Variants in SRPRA observed in about 807,000 individuals in gnomAD.
SRPRA encodes signal recognition particle receptor subunit alpha.
SRPRA carries 30 observed loss-of-function variants against 61.1 expected under a neutral mutation model. That is an observed-to-expected ratio of 0.49 (90% CI 0.37 to 0.67). The LOEUF (loss-of-function observed/expected upper bound fraction) is 0.67, where lower values mean the gene tolerates loss of function less well. SRPRA is among the 30% of genes least tolerant of loss of function. The probability of loss-of-function intolerance (pLI) is 0.00; values close to 1 mark genes in which losing one functional copy is unlikely to be tolerated. For missense variants in SRPRA, 759 were observed against 828.4 expected, an observed-to-expected ratio of 0.92 and a Z score of 1.03; for synonymous variants, 324 against 299.7, an observed-to-expected ratio of 1.08 and a Z score of -0.84.
chr11:126,248,248 TG>T, the SRPRA span, among the ~76,000 whole-genome samples: 1 of 151,460 alleles, frequency 6.6e-6, no homozygotes, highest in South Asian at 2.1e-4. Flanking sequence ...AGGATACATG[TG>T]ACTGCTAGAT....
At chr11:126,251,134 C>A in the SRPRA span, among the ~76,000 whole-genome samples, 56 of 152,170 alleles carry the variant, frequency 3.7e-4, no homozygotes, top group Non-Finnish European at 1.5e-4. Flanking sequence ...GGAAGAACAA[C>A]TTCCAGGCCA....
chr11:126,261,074 C>T (rs944653063), downstream of SRPRA: 5 of 188,558 alleles, frequency 2.7e-5, no homozygotes, highest in Non-Finnish European at 5.4e-5. Context: ...GCCATTTGCC[C>T]ATCCCTGGTG....
chr11:126,256,477 C>T, the SRPRA span: 3 of 1,230,730 alleles, frequency 2.4e-6, no homozygotes, highest in Admixed American at 2.2e-5. The surrounding 1 kb of genome is among the most constrained non-coding windows in gnomAD (Gnocchi z 6.6). Context: ...TTGGTCATCA[C>T]AGTCTGCTCA....
rs1170905226 is a variant in SRPRA, at chr11:126,265,303, C to T, written c.1276G>A (p.Val426Ile). 6 of 1,614,172 alleles carry T rather than the reference C, an allele frequency of 3.7e-6. No homozygotes were observed. Among genetic ancestry groups the T allele is most frequent in the Admixed American group, 3.3e-5 (2 of 60,026 alleles). ...QRPYVVTFCG[V>I]NGVGKSTNLA... The stretch of plus-strand genomic sequence containing the variant: ...TTAGTAGATTTCCCCACTCCATTAA[C>T]GCCGCAGAAGGTGACGACATAAGGG... Residue 426 changes from valine (V) to isoleucine (I), a missense_variant, in exon 10 of 14, where the codon GTT becomes ATT. By Grantham distance (29) the Val-to-Ile change is conservative (BLOSUM62 3). This residue lies in a region of SRPRA where 284 missense variants were observed against 365.9 expected (regional missense o/e 0.78). Coordinates refer to ENST00000332118, the MANE Select transcript of SRPRA (RefSeq NM_003139.4). The surrounding 1 kb of genome is among the most constrained non-coding windows in gnomAD (Gnocchi z 6.3).
In SRPRA at chr11:126,263,825, A is replaced by T. The variant is rs1297510015; in HGVS notation, c.*91T>A. ...ACTCTGCCTTTGTACTACACTGAAG[A>T]CAGGTTGCTCACATACTCTAAAGCA... On this transcript the variant is annotated 3_prime_UTR_variant, in exon 14 of 14. Transcript: ENST00000332118. 4 of 1,548,048 alleles carry T rather than the reference A, an allele frequency of 2.6e-6. No individual in the cohort carries two copies. The African/African-American group carries it at 4.1e-5, about 16-fold the overall frequency.
Position 126,265,969 on chromosome 11 carries a change from G to C in SRPRA, c.1045C>G (p.Leu349Val). ...CCCGGTCCTCAGAACTTACCAATGA[G>C]ATGATCACGCATCTTGTCCAGCACA... ...ESVLDKMRDH[L>V]IAKNVAADIA... The change falls in exon 8 of 14, where the codon CTC becomes GTC. Residue 349 changes from leucine to valine, a missense_variant. Physicochemically the swap from Leu to Val is conservative, Grantham distance 32. Around this residue, in one of 2 missense-constraint regions of SRPRA, gnomAD observed 475 missense variants for 462.5 expected, o/e 1.03. Transcript: ENST00000332118. This position sits in a 1 kb window ranked among gnomAD's most constrained non-coding sequence, Gnocchi z 6.3. The C allele has an allele frequency of 6.2e-7, 1 of 1,614,124 alleles. No homozygotes were observed. Among genetic ancestry groups the C allele is most frequent in the Middle Eastern group, 1.6e-4 (1 of 6,062 alleles).
the SRPRA span, among the ~76,000 whole-genome samples, chr11:126,255,998 C>T: frequency 6.6e-6 from 1 of 151,750 alleles, no homozygotes; most frequent in Non-Finnish European, 1.5e-5. This position sits in a 1 kb window ranked among gnomAD's most constrained non-coding sequence, Gnocchi z 4.6. Context: ...TGGCCAAGTG[C>T]AGTGGCTCAC....
At chr11:126,261,349 TCC>T, downstream of SRPRA, 1 of 1,200,484 alleles carries the variant, frequency 8.3e-7, no homozygotes, top group Non-Finnish European at 1.2e-6. Flanking sequence ...TGTCCTCATC[TCC>T]CTTTAGTTTT....
the SRPRA span, among the ~76,000 whole-genome samples, chr11:126,249,748 A>G: frequency 7.3e-3 from 1,101 of 150,170 alleles, 16 homozygotes; most frequent in African/African-American, 0.024. Flanking sequence ...AAAAAAAAAA[A>G]AAAAAAGAAA....
At position 126,265,055 on chromosome 11, in the gene SRPRA, G is replaced by C; in HGVS notation, c.1429C>G (p.Pro477Ala). The change falls in exon 11 of 14, where the codon CCT (proline) becomes GCT (alanine). Residue 477 changes from proline (P) to alanine (A), a missense_variant. Physicochemically the swap from Pro to Ala is conservative, Grantham distance 27. This residue lies in a region of SRPRA where 284 missense variants were observed against 365.9 expected (regional missense o/e 0.78). Coordinates refer to ENST00000332118, the MANE Select transcript of SRPRA (RefSeq NM_003139.4). The surrounding 1 kb of genome is among the most constrained non-coding windows in gnomAD (Gnocchi z 6.3). ...GTGCGGCCACCATGCTTCTCTGGAG[G>C]GTGTAGGGCACTCAAACGCCGGGTG... Reference protein sequence around the residue: ...THTRRLSALHPPEKHGGRTMV... With the variant: ...THTRRLSALHAPEKHGGRTMV... 1.2e-6 allele frequency: 2 copies of C among 1,614,178 alleles called. No homozygotes were observed. Among genetic ancestry groups the C allele is most frequent in the South Asian group, 2.2e-5 (2 of 91,078 alleles).
the SRPRA span, among the ~76,000 whole-genome samples, chr11:126,248,559 A>G: frequency 6.6e-6 from 1 of 151,540 alleles, no homozygotes; most frequent in African/African-American, 2.4e-5. Flanking sequence ...TAGTAGAGAG[A>G]TGGGGTTTCA....
the SRPRA span, among the ~76,000 whole-genome samples, chr11:126,238,621 G>A: frequency 1.3e-5 from 2 of 152,162 alleles, no homozygotes; most frequent in Non-Finnish European, 2.9e-5. Context: ...GCTGTGTGCA[G>A]TGTTCTCAGA....
chr11:126,262,142 G>C (rs1183480859), downstream of SRPRA: 3 of 1,614,040 alleles, frequency 1.9e-6, no homozygotes, highest in Admixed American at 3.3e-5. Flanking sequence ...GAGCGAGCTA[G>C]AGAAATCACC....
rs565273031 is a variant in SRPRA at position 126,267,881 on chromosome 11, C to T, written c.201+122G>A. On this transcript the variant is annotated intron_variant, in intron 2 of 13. Transcript: ENST00000332118. This position sits in a 1 kb window ranked among gnomAD's most constrained non-coding sequence, Gnocchi z 4.2. The stretch of plus-strand genomic sequence containing the variant: ...GGGCCCAGTAGCTGCTGTTTTCCCC[C>T]ATCTACCTTTCTAGTTTTTTCAGTT... 1.4e-6 allele frequency: 2 copies of T among 1,388,206 alleles called. No individual in the cohort carries two copies. The highest frequency in any genetic ancestry group is 1.3e-5 in the South Asian group (1 of 78,832). The allele number at this position is 1,388,206 out of a possible 1,614,324, so 86.0% of individuals were successfully genotyped here.
the SRPRA span, among the ~76,000 whole-genome samples, chr11:126,244,506 C>T: frequency 1.0e-3 from 153 of 152,244 alleles, no homozygotes; most frequent in African/African-American, 3.6e-3. This position sits in a 1 kb window ranked among gnomAD's most constrained non-coding sequence, Gnocchi z 4.5. Context: ...ATAAATTTAA[C>T]GAAAGAAGTA....
At chr11:126,266,336 G>C in intron 6 of SRPRA, 58 bp from the exon 7 acceptor site, 8 of 1,598,136 alleles carry the variant, frequency 5.0e-6, no homozygotes, top group Non-Finnish European at 6.9e-6. Flanking sequence ...TGAGGAAAAC[G>C]TCCACATTGC....
Position 126,264,877 on chromosome 11 carries a change from G to T in SRPRA, c.1525+82C>A. On this transcript the variant is annotated intron_variant, in intron 11 of 13. Transcript: ENST00000332118. The surrounding 1 kb of genome is among the most constrained non-coding windows in gnomAD (Gnocchi z 5.0). ...GACCAACGAGTCTGTAGTAGCACAA[G>T]CCTGATCTTCTGCAAATTCCAAGAG... 1 of 1,337,940 alleles carries T rather than the reference G, an allele frequency of 7.5e-7. No individual in the cohort carries two copies. Among genetic ancestry groups the T allele is most frequent in the Non-Finnish European group, 1.0e-6 (1 of 978,204 alleles). The allele number at this position is 1,337,940 out of a possible 1,614,324, so 82.9% of individuals were successfully genotyped here.
the SRPRA span, among the ~76,000 whole-genome samples, chr11:126,239,421 A>G: frequency 1.2e-4 from 18 of 152,258 alleles, no homozygotes; most frequent in South Asian, 2.5e-3. Context: ...GAAATTTTCT[A>G]TGTGTGTGTA....
the SRPRA span, among the ~76,000 whole-genome samples, chr11:126,257,435 G>C: frequency 3.7e-4 from 57 of 152,182 alleles, 1 homozygote; most frequent in East Asian, 0.011. Context: ...CCTAAAATTG[G>C]TGGAGATTCT....
Sources: allele counts gnomAD v4.1 joint callset (sites outside exome capture counted in the v4.1 genomes callset), GRCh38; gene constraint gnomAD v4.1.1; regional missense constraint gnomAD v4.1.1; non-coding constraint Gnocchi (gnomAD v3.1); transcripts MANE v1.5; gene names NCBI Gene and HGNC (gene_info 2026-07-23, HGNC 2026-07-21).